ELAPOR1: variants seen among roughly 807,000 people sequenced by gnomAD.
ELAPOR1 encodes the protein endosome/lysosome-associated apoptosis and autophagy regulator 1.
In ELAPOR1, 77 loss-of-function variants were observed where a neutral mutation model predicts 119.7. The observed-to-expected ratio is 0.64, with a 90% CI of 0.54 to 0.78. ELAPOR1 has a LOEUF of 0.78. ELAPOR1 is among the 30% of genes least tolerant of loss of function. The pLI is 0.00. For missense variants in ELAPOR1, 1,115 were observed against 1,270.4 expected (o/e 0.88, Z 1.86); for synonymous variants, 481 against 487.2 (o/e 0.99, Z 0.17).
Position 109,146,716 on chromosome 1 carries a change from A to T in ELAPOR1, c.154-15178A>T, listed in dbSNP as rs567524041. ...TCGAGGGAAGGTAGTCATCAAGATG[A>T]ACTTAGATATGTCTAAACTAATATT... On this transcript the variant is annotated intron_variant, in intron 1 of 21. Transcript: ENST00000369939. 1.1e-4 allele frequency among the ~76,000 whole-genome samples: 17 copies of T among 152,258 alleles called. No homozygotes were observed. The South Asian group carries it at 2.9e-3, about 26-fold the overall frequency.
At chr1:109,200,321 G>T in intron 20 of ELAPOR1, 84 bp downstream of exon 20, 1 of 1,502,612 alleles carries the variant, frequency 6.7e-7, no homozygotes, top group Non-Finnish European at 9.1e-7. Flanking sequence ...AAATTAATGG[G>T]GTTTTTCTCT....
intron 17 of ELAPOR1, 30 bp from the exon 18 acceptor site, chr1:109,198,543 T>A (rs41301271): frequency 0.011 from 17,196 of 1,577,198 alleles, 148 homozygotes; most frequent in Middle Eastern, 0.019. Context: ...GAGTGACTCA[T>A]TCCCTCATGG....
At chr1:109,167,941 C>T (rs1570673897) in intron 3 of ELAPOR1, among the ~76,000 whole-genome samples, 1 of 152,076 alleles carries the variant, frequency 6.6e-6, no homozygotes, top group Non-Finnish European at 1.5e-5. Context: ...AGTACTTTCC[C>T]GCTCAAAACC....
intron 1 of ELAPOR1, among the ~76,000 whole-genome samples, chr1:109,129,038 A>G (rs1648971992): frequency 1.3e-5 from 2 of 152,316 alleles, no homozygotes; most frequent in South Asian, 4.1e-4. Flanking sequence ...TACAGTTTGA[A>G]GATGTCAGTG....
rs920911251 is a variant in ELAPOR1, at chr1:109,204,875, G to A, written c.*1863G>A. On this transcript the variant is annotated 3_prime_UTR_variant, in exon 22 of 22. Coordinates refer to ENST00000369939, the MANE Select transcript of ELAPOR1 (RefSeq NM_020775.5). ...TCAAGACCAGCCTGGGCAACACAGTGAGACCCTGTCTCTAAAAAATTTAAA... is the reference window on the plus strand; with the variant it reads ...TCAAGACCAGCCTGGGCAACACAGTAAGACCCTGTCTCTAAAAAATTTAAA... 3 of 152,234 alleles carry A rather than the reference G, an allele frequency of 2.0e-5. No individual in the cohort carries two copies. The highest frequency in any genetic ancestry group is 4.8e-5 in the African/African-American group (2 of 41,432). The allele number at this position is 152,234 out of a possible 1,614,324, so 9.4% of individuals were successfully genotyped here.
rs572484365 is a variant in ELAPOR1 at position 109,141,964 on chromosome 1, C to A, written c.154-19930C>A. On this transcript the variant is annotated intron_variant, in intron 1 of 21. Transcript: ENST00000369939. ...ATAGGCATGAGCCACTGTGCCCGGCCTATTTTGTTTTCTTTGACATCCAGA... is the reference window on the plus strand; with the variant it reads ...ATAGGCATGAGCCACTGTGCCCGGCATATTTTGTTTTCTTTGACATCCAGA... 2.6e-5 allele frequency among the ~76,000 whole-genome samples: 4 copies of A among 152,212 alleles called. No individual in the cohort carries two copies. The South Asian group carries it at 8.3e-4, about 32-fold the overall frequency.
At chr1:109,125,148 T>C (rs1340214612) in intron 1 of ELAPOR1, among the ~76,000 whole-genome samples, 3 of 151,642 alleles carry the variant, frequency 2.0e-5, no homozygotes, top group Non-Finnish European at 4.4e-5. Flanking sequence ...AGGCTGGTCT[T>C]GAACTCCTGA....
At chr1:109,148,122 C>T (rs1650298800) in intron 1 of ELAPOR1, among the ~76,000 whole-genome samples, 1 of 151,516 alleles carries the variant, frequency 6.6e-6, no homozygotes, top group Non-Finnish European at 1.5e-5. Flanking sequence ...CAGGCGTGAG[C>T]CACCGCACCT....
chr1:109,144,076 T>TTTTTTTTTTTTTTTTA (rs1650030350), intron 1 of ELAPOR1, among the ~76,000 whole-genome samples: 1 of 139,056 alleles, frequency 7.2e-6, no homozygotes, highest in African/African-American at 2.7e-5. Flanking sequence ...TTTTTTTTTT[T>TTTTTTTTTTTTTTTTA]GAGATGGAGT....
intron 15 of ELAPOR1, among the ~76,000 whole-genome samples, chr1:109,194,843 C>T (rs993191956): frequency 1.3e-5 from 2 of 152,214 alleles, no homozygotes; most frequent in Non-Finnish European, 2.9e-5. Context: ...TGCGGTGGCT[C>T]ACGCCTGTAA....
chr1:109,188,251 C>G lies in ELAPOR1; in HGVS notation c.1116C>G (p.Ala372=). The G allele has an allele frequency of 1.2e-6, 2 of 1,614,198 alleles. No individual in the cohort carries two copies. The highest frequency in any genetic ancestry group is 1.7e-6 in the Non-Finnish European group (2 of 1,180,010). The change falls in exon 9 of 22, where the codon GCC becomes GCG. Residue 372 remains alanine (A), a synonymous_variant. Transcript: ENST00000369939. ...TTGAGGGGGCAGTGAAGCTGCCTGC[C>G]TCTGGTGTGAAGACCCACTGCCCAC... ...EDLEGAVKLP[A]SGVKTHCPPC...
intron 21 of ELAPOR1, among the ~76,000 whole-genome samples, chr1:109,202,656 G>T (rs1346819950): frequency 1.3e-5 from 2 of 151,964 alleles, no homozygotes; most frequent in Admixed American, 6.6e-5. Flanking sequence ...GGTCAGGCTG[G>T]TCTCGAACTC....
In ELAPOR1 at chr1:109,162,128, G is replaced by C. The variant is rs530170681; in HGVS notation, c.274+114G>C. ...GCAGAGCAGCTGCATTAAGGAATCA[G>C]ATCTTTTCCCCAATTAGTCCCCACA... is the stretch of plus-strand genomic sequence containing the variant. On this transcript the variant is annotated intron_variant, in intron 2 of 21. Coordinates refer to ENST00000369939, the MANE Select transcript of ELAPOR1 (RefSeq NM_020775.5). The C allele has an allele frequency of 1.4e-4, 175 of 1,223,966 alleles. 1 individual carries two copies. In the South Asian group the frequency reaches 2.6e-3, roughly 18 times the overall value. The allele number at this position is 1,223,966 out of a possible 1,614,324, so 75.8% of individuals were successfully genotyped here. A position where few individuals can be genotyped will look rare whatever the true frequency, so the allele number is the denominator to read the frequency against.
At chr1:109,160,072 C>T (rs748300080) in intron 1 of ELAPOR1, among the ~76,000 whole-genome samples, 3 of 152,034 alleles carry the variant, frequency 2.0e-5, no homozygotes, top group Non-Finnish European at 2.9e-5. Flanking sequence ...AAAGAATTCC[C>T]ATCCTGATGT....
intron 7 of ELAPOR1, among the ~76,000 whole-genome samples, chr1:109,175,368 AATTTTGT>A (rs1277125253): frequency 6.7e-6 from 1 of 148,502 alleles, no homozygotes; most frequent in Non-Finnish European, 1.5e-5. Flanking sequence ...ATGCCCAGCT[AATTTTGT>A]ATTTTTAGTA....
chr1:109,114,204 C>T lies in ELAPOR1; in HGVS notation c.21C>T (p.Ser7=), dbSNP rs1240203700. 1 of 1,602,916 alleles carries T rather than the reference C, an allele frequency of 6.2e-7. No individual in the cohort carries two copies. The highest frequency in any genetic ancestry group is 8.5e-7 in the Non-Finnish European group (1 of 1,174,608). The part of the protein sequence containing the change: MAEPGH[S]HHLSARVRGR... ...ACGCTATGGCTGAGCCTGGGCACAG[C>T]CACCATCTCTCCGCCAGAGTCAGGG... Residue 7 remains serine (S), a synonymous_variant, in exon 1 of 22, where the codon AGC becomes AGT. Transcript: ENST00000369939.
intron 7 of ELAPOR1, among the ~76,000 whole-genome samples, chr1:109,178,190 T>C (rs1013938614): frequency 1.3e-5 from 2 of 152,120 alleles, no homozygotes; most frequent in Non-Finnish European, 2.9e-5. Context: ...TTTGTATTTT[T>C]AGTAGAGACG....
In ELAPOR1 at chr1:109,168,235, C is replaced by T. The variant is rs79930118; in HGVS notation, c.467+3544C>T. On this transcript the variant is annotated intron_variant, in intron 3 of 21. Transcript: ENST00000369939. ...CTCAAAGAAACCATCCCCGACCCCA[C>T]AGACTCCTGTTACACTCTCTTTATC... Among the ~76,000 whole-genome samples the T allele has an allele frequency of 2.3e-4, 35 of 152,308 alleles. No individual in the cohort carries two copies. In the East Asian group the frequency reaches 4.1e-3, roughly 18 times the overall value.
At chr1:109,145,587 C>T (rs553438324) in intron 1 of ELAPOR1, among the ~76,000 whole-genome samples, 3 of 152,056 alleles carry the variant, frequency 2.0e-5, no homozygotes, top group East Asian at 3.9e-4. Flanking sequence ...TCCCAGGAGG[C>T]GGAGGTTGCA....
Sources: allele counts gnomAD v4.1 joint callset (sites outside exome capture counted in the v4.1 genomes callset), GRCh38; gene constraint gnomAD v4.1.1; transcripts MANE v1.5; gene names NCBI Gene and HGNC (gene_info 2026-07-23, HGNC 2026-07-21).